ELMO1: variants seen among roughly 807,000 people sequenced by gnomAD.
ELMO1 encodes the protein engulfment and cell motility protein 1.
In ELMO1, 26 loss-of-function variants were observed where a neutral mutation model predicts 98.9. The observed-to-expected ratio is 0.26, with a 90% CI of 0.19 to 0.36. ELMO1 has a LOEUF of 0.36. Ranked by LOEUF, ELMO1 falls within the 10% of genes least tolerant of loss-of-function variation. The probability of loss-of-function intolerance (pLI) is 1.00; values close to 1 mark genes in which losing one functional copy is unlikely to be tolerated. For synonymous variants in ELMO1, 346 were observed against 346.0 expected (o/e 1.00, Z 0.00); for missense variants, 627 against 935.2 (o/e 0.67, Z 4.30).
rs556064576 is a variant in ELMO1 at position 37,009,772 on chromosome 7, A to G, written c.1437+3527T>C. On this transcript the variant is annotated intron_variant, in intron 16 of 21. Transcript: ENST00000310758. Reference sequence around the variant, plus strand: ...ATAGTGTCCAAGAAAGTTGAAAAGAAATTATGTTTCATGTTGGGCTTTTTT... The same window carrying G: ...ATAGTGTCCAAGAAAGTTGAAAAGAGATTATGTTTCATGTTGGGCTTTTTT... Among the ~76,000 whole-genome samples the G allele has an allele frequency of 7.9e-5, 12 of 152,362 alleles. No homozygotes were observed. The South Asian group carries it at 2.1e-3, about 26-fold the overall frequency.
At chr7:37,237,625 C>T (rs1794550246) in intron 7 of ELMO1, among the ~76,000 whole-genome samples, 2 of 152,186 alleles carry the variant, frequency 1.3e-5, no homozygotes, top group Admixed American at 6.5e-5. Context: ...AAAATAAAGG[C>T]CACTTTTAAA....
intron 13 of ELMO1, among the ~76,000 whole-genome samples, chr7:37,190,678 T>C (rs1791510781): frequency 6.6e-6 from 1 of 152,008 alleles, no homozygotes; most frequent in South Asian, 2.1e-4. Flanking sequence ...TTTTGTATTT[T>C]TAGTAGAGAT....
At chr7:37,226,726 C>A (rs1239561606) in intron 8 of ELMO1, among the ~76,000 whole-genome samples, 2 of 152,130 alleles carry the variant, frequency 1.3e-5, no homozygotes, top group African/African-American at 4.8e-5. Context: ...GAGGCTTCTG[C>A]CTGAGAAGCT....
chr7:37,068,313 T>C (rs952458892), intron 15 of ELMO1, among the ~76,000 whole-genome samples: 5 of 152,186 alleles, frequency 3.3e-5, no homozygotes, highest in Non-Finnish European at 7.3e-5. Flanking sequence ...AAAGAGATAT[T>C]CTTGAACCCG....
intron 4 of ELMO1, among the ~76,000 whole-genome samples, chr7:37,293,283 A>C (rs879674169): frequency 0.013 from 1,708 of 134,184 alleles, 27 homozygotes; most frequent in Middle Eastern, 0.024. Flanking sequence ...GAAAGGGGGG[A>C]AAGGTGGGGA....
Position 37,096,663 on chromosome 7 carries a change from T to G in ELMO1, c.1256A>C (p.Glu419Ala), listed in dbSNP as rs775520018. Residue 419 changes from glutamate (E) to alanine (A), a missense_variant, in exon 15 of 22, where the codon GAG (glutamate) becomes GCG (alanine). Physicochemically the swap from Glu to Ala is moderately radical, Grantham distance 107 (BLOSUM62 -1). Around this residue, in one of 3 missense-constraint regions of ELMO1, gnomAD observed 492 missense variants for 715.6 expected, o/e 0.69. Transcript: ENST00000310758. ...GATCTCACATAGCATCTTGGTCAGC[T>G]CTATACTACTGCGGCCAAAGGGACA... ...HECPFGRSSI[E>A]LTKMLCEILK... 1 of 1,614,160 alleles carries G rather than the reference T, an allele frequency of 6.2e-7. No homozygotes were observed. Among genetic ancestry groups the G allele is most frequent in the Non-Finnish European group, 8.5e-7 (1 of 1,180,002 alleles).
chr7:37,198,789 G>A (rs1054294877), intron 13 of ELMO1, among the ~76,000 whole-genome samples: 55 of 152,250 alleles, frequency 3.6e-4, no homozygotes, highest in African/African-American at 1.2e-3. Flanking sequence ...ACTCAGGGAC[G>A]AAGGATTGAC....
At chr7:36,987,657 A>G (rs1042072863) in intron 16 of ELMO1, among the ~76,000 whole-genome samples, 3 of 152,102 alleles carry the variant, frequency 2.0e-5, no homozygotes, top group Admixed American at 6.5e-5. Context: ...TGAACTATCC[A>G]TCTACAACAC....
At chr7:36,921,202 G>A (rs187494275) in intron 16 of ELMO1, among the ~76,000 whole-genome samples, 10 of 152,246 alleles carry the variant, frequency 6.6e-5, no homozygotes, top group East Asian at 3.9e-4. Flanking sequence ...AAATTACCCC[G>A]TCTAAGGTAC....
In ELMO1 at chr7:36,852,981, T is replaced by C. The variant is rs1159360716; in HGVS notation, c.*2570A>G. Among the ~76,000 whole-genome samples, 2 of 152,202 alleles carry C rather than the reference T, an allele frequency of 1.3e-5. No individual in the cohort carries two copies. The highest frequency in any genetic ancestry group is 2.9e-5 in the Non-Finnish European group (2 of 68,036). On this transcript the variant is annotated 3_prime_UTR_variant, in exon 22 of 22. Transcript: ENST00000310758. The stretch of plus-strand genomic sequence containing the variant: ...AACTTGGACTTCACGACAACATCAG[T>C]CTTCCTACTTTACTTCTGCCTTGGA...
chr7:36,877,778 G>A (rs550846166), intron 19 of ELMO1, among the ~76,000 whole-genome samples: 3 of 152,286 alleles, frequency 2.0e-5, no homozygotes, highest in South Asian at 2.1e-4. Flanking sequence ...CCCAGTTTAC[G>A]TCTTTCAATT....
At chr7:37,200,430 C>T (rs749503405) in intron 13 of ELMO1, among the ~76,000 whole-genome samples, 2 of 151,986 alleles carry the variant, frequency 1.3e-5, no homozygotes, top group Admixed American at 6.6e-5. Flanking sequence ...AACATGAAGA[C>T]AGTGCATGCC....
At chr7:37,377,663 A>C (rs1802408687) in intron 1 of ELMO1, among the ~76,000 whole-genome samples, 1 of 152,090 alleles carries the variant, frequency 6.6e-6, no homozygotes, top group Admixed American at 6.5e-5. Context: ...GAGGAAAGCA[A>C]ATTTAGGGTC....
rs199858531 is a variant in ELMO1, at chr7:37,210,573, T to TAC, written c.1086+811_1086+812dup. 7.7e-3 allele frequency among the ~76,000 whole-genome samples: 1,167 copies of TAC among 151,286 alleles called. 15 individuals carry two copies. Among genetic ancestry groups the TAC allele is most frequent in the African/African-American group, 0.027 (1,129 of 41,290 alleles). The stretch of plus-strand genomic sequence containing the variant: ...TGAATATGTATATATATAAAATATA[T>TAC]ACACCTTATATATATACACACACAG... On this transcript the variant is annotated intron_variant, in intron 13 of 21. Coordinates refer to ENST00000310758, the MANE Select transcript of ELMO1 (RefSeq NM_014800.11).
chr7:36,937,556 T>A (rs944291665), intron 16 of ELMO1, among the ~76,000 whole-genome samples: 1 of 152,224 alleles, frequency 6.6e-6, no homozygotes, highest in Non-Finnish European at 1.5e-5. Context: ...TAGTACTTTG[T>A]TACAGCAGCC....
At chr7:37,035,514 T>C (rs527546403) in intron 15 of ELMO1, among the ~76,000 whole-genome samples, 4 of 152,344 alleles carry the variant, frequency 2.6e-5, no homozygotes, top group Non-Finnish European at 5.9e-5. Flanking sequence ...GCTTCCTGAA[T>C]TTCCTTTTCT....
intron 5 of ELMO1, among the ~76,000 whole-genome samples, chr7:37,261,215 G>A (rs924523288): frequency 6.6e-5 from 10 of 152,190 alleles, no homozygotes; most frequent in Admixed American, 5.9e-4. Context: ...GTCCCAACAG[G>A]TAGGTCCTAT....
intron 1 of ELMO1, among the ~76,000 whole-genome samples, chr7:37,405,076 G>C (rs937900679): frequency 6.6e-6 from 1 of 152,174 alleles, no homozygotes; most frequent in Non-Finnish European, 1.5e-5. Context: ...GTGGTAATGT[G>C]GGCCACCGGC....
chr7:36,900,605 G>C (rs944919771), intron 16 of ELMO1, among the ~76,000 whole-genome samples: 1 of 152,138 alleles, frequency 6.6e-6, no homozygotes, highest in African/African-American at 2.4e-5. Flanking sequence ...AGTTGGAAGG[G>C]GATAGATCTA....
Sources: gnomAD v4.1 joint callset for allele counts (sites outside exome capture counted in the v4.1 genomes callset) on GRCh38, gnomAD v4.1.1 for gene constraint, gnomAD v4.1.1 regional missense constraint, MANE v1.5 for transcripts, NCBI Gene and HGNC (gene_info 2026-07-23, HGNC 2026-07-21) for gene names.